The following SBNO2 variants were observed in gnomAD, a reference collection of about 807,000 sequenced individuals.
SBNO2 encodes strawberry notch homolog 2, also known as protein strawberry notch homolog 2.
A neutral mutation model predicts 146.3 loss-of-function variants in SBNO2; 89 were observed. That is an observed-to-expected ratio of 0.61 (90% CI 0.51 to 0.73). SBNO2 has a LOEUF of 0.73. Ranked by LOEUF, SBNO2 falls within the 30% of genes least tolerant of loss-of-function variation. The pLI, the probability that SBNO2 is intolerant of heterozygous loss-of-function variation, is 0.00. For missense variants in SBNO2, 2,092 were observed against 2,003.7 expected (o/e 1.04, Z -0.84); for synonymous variants, 1,147 against 892.6 (o/e 1.29, Z -5.08).
chr19:1,110,183 C>T lies in SBNO2; in HGVS notation c.3029-406G>A, dbSNP rs1337876439. ...GCAGGCTGTGGGGGATCGTGGGAGC[C>T]TGGTTGGCTGCGGCACTGCTCATGA... On this transcript the variant is annotated intron_variant, in intron 26 of 31. Coordinates refer to ENST00000361757, the MANE Select transcript of SBNO2 (RefSeq NM_014963.3). This position sits in a 1 kb window ranked among gnomAD's most constrained non-coding sequence, Gnocchi z 4.9. 2.6e-5 allele frequency among the ~76,000 whole-genome samples: 4 copies of T among 152,096 alleles called. No individual in the cohort carries two copies. The highest frequency in any genetic ancestry group is 5.9e-5 in the Non-Finnish European group (4 of 67,988).
At chr19:1,152,362 T>C (rs1230879438) in intron 2 of SBNO2, among the ~76,000 whole-genome samples, 1 of 152,208 alleles carries the variant, frequency 6.6e-6, no homozygotes, top group East Asian at 1.9e-4. Context: ...ATAGTGCCGC[T>C]CTGTCTTCCC....
intron 1 of SBNO2, among the ~76,000 whole-genome samples, chr19:1,160,401 C>T (rs945874402): frequency 2.0e-5 from 3 of 152,202 alleles, no homozygotes; most frequent in African/African-American, 7.2e-5. Flanking sequence ...TCACAGGAGG[C>T]CCAGTATTAC....
chr19:1,112,571 T>TGCAAGGCCCGCCCCAGCGTTGCC lies in SBNO2; in HGVS notation c.2380-57_2380-35dup. On this transcript the variant is annotated intron_variant, in intron 20 of 31. Transcript: ENST00000361757. This position sits in a 1 kb window ranked among gnomAD's most constrained non-coding sequence, Gnocchi z 5.9. ...AAAGAAGGGGCCGGGACACGGTTGG[T>TGCAAGGCCCGCCCCAGCGTTGCC]GCAAGGCCCGCCCCAGCGTTGCCGC... 1 of 1,564,880 alleles carries TGCAAGGCCCGCCCCAGCGTTGCC rather than the reference T, an allele frequency of 6.4e-7. No homozygotes were observed. The highest frequency in any genetic ancestry group is 1.2e-5 in the South Asian group (1 of 86,322).
intron 1 of SBNO2, among the ~76,000 whole-genome samples, chr19:1,163,556 T>A (rs1398276846): frequency 6.6e-6 from 1 of 152,104 alleles, no homozygotes; most frequent in East Asian, 1.9e-4. Context: ...TCGGGTGCCC[T>A]GGGGTGAGGC....
At chr19:1,170,671 T>C (rs1404506717) in intron 1 of SBNO2, among the ~76,000 whole-genome samples, 1 of 150,542 alleles carries the variant, frequency 6.6e-6, no homozygotes, top group South Asian at 2.1e-4. Context: ...CACGCACACA[T>C]ACAAAACACA....
rs762118022 is a variant in SBNO2, at chr19:1,108,816, G to A, written c.3579C>T (p.Ile1193=). The A allele has an allele frequency of 3.9e-5, 63 of 1,602,870 alleles. No homozygotes were observed. The highest frequency in any genetic ancestry group is 5.3e-5 in the Non-Finnish European group (63 of 1,179,012). The change falls in exon 31 of 32, where the codon ATC becomes ATT. Residue 1193 remains isoleucine (I), a synonymous_variant. Coordinates refer to ENST00000361757, the MANE Select transcript of SBNO2 (RefSeq NM_014963.3). ...TCCTGTCCTTGGTCTTCAGCCGCAC[G>A]ATCTGCAGGTAGCTGCTGCTGCTGA... ...ADVSSSSYLQ[I]VRLKTKDRKK...
chr19:1,112,620 C>A lies in SBNO2; in HGVS notation c.2380-83G>T, dbSNP rs914127852. On this transcript the variant is annotated intron_variant, in intron 20 of 31. Transcript: ENST00000361757. This position sits in a 1 kb window ranked among gnomAD's most constrained non-coding sequence, Gnocchi z 5.9. ...GCCACCTCCTCACCCACTAGGCCCC[C>A]GCTCCAGGTCACCAGGACGTCCCGG... 1 of 1,475,558 alleles carries A rather than the reference C, an allele frequency of 6.8e-7. No homozygotes were observed. The highest frequency in any genetic ancestry group is 2.5e-5 in the East Asian group (1 of 40,474). 91.4% of individuals were successfully genotyped at this position (1,475,558 alleles called of 1,614,324 possible).
Position 1,173,666 on chromosome 19 carries a change from G to C in SBNO2, c.-127+506C>G, listed in dbSNP as rs1477453746. On this transcript the variant is annotated intron_variant, in intron 1 of 31. Coordinates refer to ENST00000361757, the MANE Select transcript of SBNO2 (RefSeq NM_014963.3). The surrounding 1 kb of genome is among the most constrained non-coding windows in gnomAD (Gnocchi z 4.7). The stretch of plus-strand genomic sequence containing the variant: ...GAGACCGGGGGTCACTCCCAGGAAG[G>C]GGTCGAGGTCACGAGGCGCATGGAG... 1 of 152,274 alleles carries C rather than the reference G, an allele frequency of 6.6e-6. No homozygotes were observed. The highest frequency in any genetic ancestry group is 1.5e-5 in the Non-Finnish European group (1 of 68,158). The allele number at this position is 152,274 out of a possible 1,614,324, so 9.4% of individuals were successfully genotyped here.
chr19:1,112,145 C>T lies in SBNO2; in HGVS notation c.2628+44G>A. Reference sequence around the variant, plus strand: ...ACCCCACAAAGCTTTGGAGAGCCTTCCTGGGCCTGTCCCTGGTTCTCAGCC... The same window carrying T: ...ACCCCACAAAGCTTTGGAGAGCCTTTCTGGGCCTGTCCCTGGTTCTCAGCC... On this transcript the variant is annotated intron_variant, in intron 22 of 31. Coordinates refer to ENST00000361757, the MANE Select transcript of SBNO2 (RefSeq NM_014963.3). This position sits in a 1 kb window ranked among gnomAD's most constrained non-coding sequence, Gnocchi z 5.9. 6.3e-7 allele frequency: 1 copy of T among 1,595,052 alleles called. No individual in the cohort carries two copies. The highest frequency in any genetic ancestry group is 8.5e-7 in the Non-Finnish European group (1 of 1,170,548).
intron 1 of SBNO2, among the ~76,000 whole-genome samples, chr19:1,172,446 G>A (rs1033890238): frequency 6.6e-6 from 1 of 152,182 alleles, no homozygotes; most frequent in Admixed American, 6.5e-5. Flanking sequence ...GAAGGCCAGA[G>A]GATGTCTGGG....
Position 1,110,685 on chromosome 19 carries a change from G to T in SBNO2, c.3028+60C>A. The T allele has an allele frequency of 6.3e-7, 1 of 1,585,026 alleles. No homozygotes were observed. On this transcript the variant is annotated intron_variant, in intron 26 of 31. Coordinates refer to ENST00000361757, the MANE Select transcript of SBNO2 (RefSeq NM_014963.3). This position sits in a 1 kb window ranked among gnomAD's most constrained non-coding sequence, Gnocchi z 4.9. ...GCCCCGAGCCCACCCAGGATGCATG[G>T]CGTTCCCACGAGCCCCGCACCCACA...
Position 1,122,274 on chromosome 19 carries a change from G to A in SBNO2, c.1014C>T (p.Tyr338=), listed in dbSNP as rs377463009. The part of the protein sequence containing the change: ...IAVHALSKIK[Y]GDTTTSEGVL... ...CGCCCTCTGAGGTAGTGGTGTCACCGTACTTGATCTGGGGATGCACAGAAC... is the reference window on the plus strand; with the variant it reads ...CGCCCTCTGAGGTAGTGGTGTCACCATACTTGATCTGGGGATGCACAGAAC... Residue 338 remains tyrosine, a synonymous_variant, in exon 11 of 32, where the codon TAC becomes TAT. Coordinates refer to ENST00000361757, the MANE Select transcript of SBNO2 (RefSeq NM_014963.3). The A allele has an allele frequency of 1.1e-4, 165 of 1,564,044 alleles. 2 individuals carry two copies. Among genetic ancestry groups the A allele is most frequent in the African/African-American group, 1.8e-4 (13 of 73,696 alleles).
chr19:1,156,356 C>G (rs965286828), intron 1 of SBNO2, among the ~76,000 whole-genome samples: 1 of 152,028 alleles, frequency 6.6e-6, no homozygotes, highest in Non-Finnish European at 1.5e-5. Flanking sequence ...AGACCTGGAC[C>G]GGGAGGGGAT....
chr19:1,109,249 G>C lies in SBNO2; in HGVS notation c.3349-38C>G, dbSNP rs776620612. 4 of 1,575,066 alleles carry C rather than the reference G, an allele frequency of 2.5e-6. No individual in the cohort carries two copies. In the African/African-American group the frequency reaches 4.0e-5, roughly 16 times the overall value. ...GGCCGCATGAGCCTGGGCGGGGTCA[G>C]GGCCGGCAACCCGAGCGAAAGCTGC... On this transcript the variant is annotated intron_variant, in intron 29 of 31. Transcript: ENST00000361757. This position sits in a 1 kb window ranked among gnomAD's most constrained non-coding sequence, Gnocchi z 4.2.
At chr19:1,124,634 CCT>C (rs1352727351) in intron 5 of SBNO2, among the ~76,000 whole-genome samples, 4 of 152,216 alleles carry the variant, frequency 2.6e-5, no homozygotes, top group Admixed American at 2.6e-4. Context: ...GGCAGCACCT[CCT>C]CTGTGAGAGA....
intron 1 of SBNO2, among the ~76,000 whole-genome samples, chr19:1,159,643 T>C (rs1226249505): frequency 1.1e-4 from 2 of 17,448 alleles, no homozygotes; most frequent in Non-Finnish European, 2.0e-4. Context: ...CGGGGGATGG[T>C]GGGGGGACAG....
intron 1 of SBNO2, among the ~76,000 whole-genome samples, chr19:1,160,371 G>A (rs757809717): frequency 1.3e-5 from 2 of 152,190 alleles, no homozygotes; most frequent in Admixed American, 6.5e-5. Flanking sequence ...CCCAGGCCTC[G>A]GGGGGTCTGC....
intron 4 of SBNO2, among the ~76,000 whole-genome samples, chr19:1,133,134 G>A (rs959237191): frequency 1.4e-4 from 21 of 152,308 alleles, no homozygotes; most frequent in African/African-American, 5.0e-4. Flanking sequence ...CAGGGCCAGA[G>A]GGGGTGGGAG....
Position 1,149,386 on chromosome 19 carries a change from G to A in SBNO2, c.150C>T (p.Ala50=). 6.4e-7 allele frequency: 1 copy of A among 1,552,964 alleles called. No homozygotes were observed. The highest frequency in any genetic ancestry group is 8.7e-7 in the Non-Finnish European group (1 of 1,148,482). ...WNTFSLPPYP[A]FSSDSRPFMS... ...GTACTCACCGGCTGTCGCTGGAGAA[G>A]GCAGGGTATGGCGGCAGCGAGAAGG... Residue 50 remains alanine (A), a synonymous_variant, in exon 3 of 32, where the codon GCC becomes GCT. Coordinates refer to ENST00000361757, the MANE Select transcript of SBNO2 (RefSeq NM_014963.3).
Sources: gnomAD v4.1 joint callset for allele counts (sites outside exome capture counted in the v4.1 genomes callset) on GRCh38, gnomAD v4.1.1 for gene constraint, Gnocchi (gnomAD v3.1) non-coding constraint, MANE v1.5 for transcripts, NCBI Gene and HGNC (gene_info 2026-07-23, HGNC 2026-07-21) for gene names.